The following SCN9A variants were observed in gnomAD, a reference collection of about 807,000 sequenced individuals.
SCN9A encodes the protein sodium voltage-gated channel alpha subunit 9.
A neutral mutation model predicts 187.0 loss-of-function variants in SCN9A; 131 were observed. The observed-to-expected ratio is 0.70, with a 90% CI of 0.61 to 0.81. SCN9A has a LOEUF of 0.81. SCN9A is among the 30% of genes least tolerant of loss of function. The probability of loss-of-function intolerance (pLI) is 0.00; values close to 1 mark genes in which losing one functional copy is unlikely to be tolerated. For missense variants in SCN9A, 2,252 were observed against 2,396.6 expected (o/e 0.94, Z 1.26); for synonymous variants, 809 against 808.6 (o/e 1.00, Z -0.01).
At chr2:166,368,251 G>C (rs1175700877) in intron 1 of SCN9A, among the ~76,000 whole-genome samples, 1 of 152,202 alleles carries the variant, frequency 6.6e-6, no homozygotes, top group Non-Finnish European at 1.5e-5. Flanking sequence ...TTAGCATTAA[G>C]GAGACGTCCA....
intron 26 of SCN9A, among the ~76,000 whole-genome samples, chr2:166,202,568 C>G (rs1693592005): frequency 6.6e-6 from 1 of 151,532 alleles, no homozygotes; most frequent in African/African-American, 2.4e-5. Flanking sequence ...TGATATTTTC[C>G]TTGAATTTAT....
chr2:166,286,491 T>G lies in SCN9A; in HGVS notation c.1447A>C (p.Lys483Gln), dbSNP rs914753635. ...AKERRNRRKK[K>Q]NQKKLSSGEE... ...CCACTGGAGAGCTTCTTTTGATTCT[T>G]TTTCTTTCTTCTGTTTCTTCTTTCT... is the stretch of plus-strand genomic sequence containing the variant. The change falls in exon 11 of 27, where the codon AAG becomes CAG. Residue 483 changes from lysine to glutamine, a missense_variant. This residue lies in a region of SCN9A where 1,013 missense variants were observed against 997.4 expected (regional missense o/e 1.02). Transcript: ENST00000642356. 1.2e-6 allele frequency: 2 copies of G among 1,613,700 alleles called. No homozygotes were observed. Among genetic ancestry groups the G allele is most frequent in the Non-Finnish European group, 1.7e-6 (2 of 1,179,844 alleles).
chr2:166,357,475 A>G (rs894494238), intron 1 of SCN9A, among the ~76,000 whole-genome samples: 1 of 152,124 alleles, frequency 6.6e-6, no homozygotes, highest in Non-Finnish European at 1.5e-5. Context: ...TGACTAAAGG[A>G]CTTCAAGAAG....
chr2:166,253,505 G>A (rs1696137309), intron 17 of SCN9A, among the ~76,000 whole-genome samples: 1 of 151,690 alleles, frequency 6.6e-6, no homozygotes, highest in Non-Finnish European at 1.5e-5. Context: ...AGGCTTTAAA[G>A]TATAAACTAT....
At chr2:166,267,640 T>C (rs982653487) in intron 17 of SCN9A, among the ~76,000 whole-genome samples, 1 of 151,982 alleles carries the variant, frequency 6.6e-6, no homozygotes, top group African/African-American at 2.4e-5. Flanking sequence ...TTAGTATTAG[T>C]TCTTCTTTAA....
At chr2:166,281,261 C>A (rs1697472784) in intron 13 of SCN9A, among the ~76,000 whole-genome samples, 1 of 152,080 alleles carries the variant, frequency 6.6e-6, no homozygotes, top group Non-Finnish European at 1.5e-5. Flanking sequence ...CACCCTTTGA[C>A]TATCTTTGCT....
Position 166,281,019 on chromosome 2 carries a change from G to A in SCN9A, c.2105-424C>T, listed in dbSNP as rs894995261. ...AAAACTCTTGCTGTAATAGTTCACA[G>A]GTGAAAACAATCCTAGAACCAAGCA... is the stretch of plus-strand genomic sequence containing the variant. On this transcript the variant is annotated intron_variant, in intron 13 of 26. Transcript: ENST00000642356. Among the ~76,000 whole-genome samples, 10 of 152,252 alleles carry A rather than the reference G, an allele frequency of 6.6e-5. No individual in the cohort carries two copies. In the East Asian group the frequency reaches 1.9e-3, roughly 29 times the overall value.
intron 1 of SCN9A, among the ~76,000 whole-genome samples, chr2:166,349,832 C>T (rs866709551): frequency 5.3e-5 from 8 of 151,798 alleles, no homozygotes; most frequent in Admixed American, 1.3e-4. Context: ...ATTAGCCAGG[C>T]GTGGTGGGGC....
At chr2:166,260,377 T>C (rs549839043) in intron 17 of SCN9A, among the ~76,000 whole-genome samples, 249 of 151,982 alleles carry the variant, frequency 1.6e-3, no homozygotes, top group Non-Finnish European at 2.6e-3. Context: ...TTTCCTTCTG[T>C]ACCACATCTG....
intron 24 of SCN9A, among the ~76,000 whole-genome samples, chr2:166,206,518 G>A (rs1225639515): frequency 6.6e-6 from 1 of 152,122 alleles, no homozygotes; most frequent in Non-Finnish European, 1.5e-5. Context: ...CAGTTAGGGG[G>A]TTGGGAGCTT....
intron 17 of SCN9A, among the ~76,000 whole-genome samples, chr2:166,259,706 TTTTA>T (rs1225181026): frequency 1.3e-5 from 2 of 151,808 alleles, no homozygotes; most frequent in Non-Finnish European, 2.9e-5. Flanking sequence ...ATTGACTTAT[TTTTA>T]TTTAATTAAT....
At chr2:166,366,918 CA>C (rs1450748010) in intron 1 of SCN9A, among the ~76,000 whole-genome samples, 2 of 151,946 alleles carry the variant, frequency 1.3e-5, no homozygotes, top group Non-Finnish European at 1.5e-5. Context: ...ATTAGTTTTC[CA>C]AAACTGTTTT....
chr2:166,366,459 T>A (rs1245128133), intron 1 of SCN9A, among the ~76,000 whole-genome samples: 2 of 152,232 alleles, frequency 1.3e-5, no homozygotes, highest in Non-Finnish European at 2.9e-5. Context: ...ATTTTTGCTA[T>A]TGTGAATAAT....
chr2:166,334,722 G>A (rs981038963), intron 1 of SCN9A, among the ~76,000 whole-genome samples: 2 of 152,102 alleles, frequency 1.3e-5, no homozygotes, highest in Non-Finnish European at 2.9e-5. Context: ...AGTAAATGGA[G>A]TTATTCTAAT....
chr2:166,270,843 G>A (rs764160316), intron 17 of SCN9A, among the ~76,000 whole-genome samples: 7 of 151,466 alleles, frequency 4.6e-5, no homozygotes, highest in Non-Finnish European at 8.8e-5. Flanking sequence ...ATGGAGGGTG[G>A]AGTCTTAGTA....
intron 20 of SCN9A, among the ~76,000 whole-genome samples, chr2:166,234,204 A>G (rs1207082828): frequency 6.6e-6 from 1 of 152,224 alleles, no homozygotes; most frequent in Non-Finnish European, 1.5e-5. Flanking sequence ...ATGAACAGCA[A>G]TACAATCAAT....
Position 166,294,460 on chromosome 2 carries a change from T to C in SCN9A, c.965+139A>G, listed in dbSNP as rs184012434. On this transcript the variant is annotated intron_variant, in intron 8 of 26. Transcript: ENST00000642356. ...TGAACATTTTAAAGACTGGATTTGC[T>C]GTGGGACAGAATGAGTCAAATAATA... The C allele has an allele frequency of 2.0e-3, 1,127 of 575,516 alleles. 1 individual carries two copies. Among genetic ancestry groups the C allele is most frequent in the Admixed American group, 3.3e-3 (104 of 31,620 alleles). 35.7% of individuals were successfully genotyped at this position (575,516 alleles called of 1,614,324 possible).
At position 166,272,507 on chromosome 2, in the gene SCN9A, G is replaced by A. The variant is rs1233242487; in HGVS notation, c.3243C>T (p.His1081=). The change falls in exon 17 of 27, where the codon CAC becomes CAT. Residue 1081 remains histidine (H), a synonymous_variant. Coordinates refer to ENST00000642356, the MANE Select transcript of SCN9A (RefSeq NM_001365536.1). ...GCACTGTCACTGTGAGGCTGGGATT[G>A]TGAATAAATGATTGACCATCACTGT... ...MEDSDGQSFI[H]NPSLTVTVPI... 3.1e-6 allele frequency: 5 copies of A among 1,613,316 alleles called. No homozygotes were observed. The highest frequency in any genetic ancestry group is 4.2e-6 in the Non-Finnish European group (5 of 1,179,642).
intron 1 of SCN9A, among the ~76,000 whole-genome samples, chr2:166,327,557 G>A (rs570555980): frequency 4.6e-5 from 7 of 151,922 alleles, no homozygotes; most frequent in African/African-American, 1.7e-4. Flanking sequence ...TTATATTTAG[G>A]GATTTCAATG....
Sources: gnomAD v4.1 joint callset for allele counts (sites outside exome capture counted in the v4.1 genomes callset) on GRCh38, gnomAD v4.1.1 for gene constraint, gnomAD v4.1.1 regional missense constraint, MANE v1.5 for transcripts, NCBI Gene and HGNC (gene_info 2026-07-23, HGNC 2026-07-21) for gene names.